Variants in RASGEF1C observed in about 807,000 individuals in gnomAD.
RASGEF1C encodes ras-GEF domain-containing family member 1C.
RASGEF1C carries 27 observed loss-of-function variants against 58.1 expected under a neutral mutation model. The ratio of observed to expected loss-of-function variants is 0.46; its 90% CI spans 0.34 to 0.64. The LOEUF (loss-of-function observed/expected upper bound fraction) is 0.64. Among genes scored for constraint, RASGEF1C ranks in the 30% least tolerant of loss-of-function variants. RASGEF1C has a pLI of 0.01. For synonymous variants in RASGEF1C, 243 were observed against 246.3 expected (o/e 0.99, Z 0.13); for missense variants, 502 against 605.1 (o/e 0.83, Z 1.79).
chr5:180,140,008 C>G (rs937390559), intron 1 of RASGEF1C, among the ~76,000 whole-genome samples: 1 of 152,172 alleles, frequency 6.6e-6, no homozygotes, highest in African/African-American at 2.4e-5. Context: ...GTGGGAGGTG[C>G]CATGCAGGGG....
At position 180,124,756 on chromosome 5, in the gene RASGEF1C, G is replaced by A. The variant is rs542272166; in HGVS notation, c.714+2853C>T. Among the ~76,000 whole-genome samples the A allele has an allele frequency of 4.6e-5, 7 of 151,806 alleles. No individual in the cohort carries two copies. In the South Asian group the frequency reaches 8.3e-4, roughly 18 times the overall value. On this transcript the variant is annotated intron_variant, in intron 6 of 13. Transcript: ENST00000361132. ...GGAGAATCTCTTGAATCCAGGAGGC[G>A]GACGTTGTAGTGAGCGAAGATCGTG...
intron 1 of RASGEF1C, among the ~76,000 whole-genome samples, chr5:180,176,533 G>C (rs1488200503): frequency 6.6e-6 from 1 of 151,948 alleles, no homozygotes; most frequent in Non-Finnish European, 1.5e-5. Context: ...GTAACAGAGG[G>C]CCTTGGCTTT....
At chr5:180,164,751 A>C (rs1284964394) in intron 1 of RASGEF1C, among the ~76,000 whole-genome samples, 2 of 152,242 alleles carry the variant, frequency 1.3e-5, no homozygotes, top group Non-Finnish European at 1.5e-5. Context: ...CTTGAAAAGA[A>C]TTCTGCTGTG....
chr5:180,147,631 C>A (rs1443768787), intron 1 of RASGEF1C, among the ~76,000 whole-genome samples: 4 of 152,096 alleles, frequency 2.6e-5, no homozygotes, highest in African/African-American at 9.7e-5. Flanking sequence ...TTATTGATTT[C>A]TAATTTCATC....
At chr5:180,148,730 TA>T (rs1429965275) in intron 1 of RASGEF1C, among the ~76,000 whole-genome samples, 8 of 151,998 alleles carry the variant, frequency 5.3e-5, no homozygotes, top group South Asian at 2.1e-4. Flanking sequence ...TTAAATCATG[TA>T]AAAAAAAGGT....
chr5:180,144,671 TA>T (rs1318905130), intron 1 of RASGEF1C, among the ~76,000 whole-genome samples: 4 of 152,078 alleles, frequency 2.6e-5, no homozygotes, highest in African/African-American at 9.7e-5. Flanking sequence ...AAAATATACT[TA>T]ACATAAATTT....
intron 1 of RASGEF1C, among the ~76,000 whole-genome samples, chr5:180,194,435 A>G (rs555294854): frequency 6.6e-6 from 1 of 152,306 alleles, no homozygotes; most frequent in East Asian, 1.9e-4. Flanking sequence ...TGCTAATACA[A>G]TTTGGCCGCA....
At chr5:180,124,231 CAAAA>C (rs11292353) in intron 6 of RASGEF1C, among the ~76,000 whole-genome samples, 4 of 134,930 alleles carry the variant, frequency 3.0e-5, no homozygotes, top group East Asian at 2.1e-4. Flanking sequence ...GACTCTGTCT[CAAAA>C]AAAAAAAAAA....
chr5:180,172,325 C>T (rs1225328597), intron 1 of RASGEF1C, among the ~76,000 whole-genome samples: 3 of 151,958 alleles, frequency 2.0e-5, no homozygotes, highest in Non-Finnish European at 4.4e-5. Context: ...GGAAGGCTCC[C>T]ATGCCTCCTC....
At position 180,119,391 on chromosome 5, in the gene RASGEF1C, C is replaced by T. The variant is rs777968916; in HGVS notation, c.862G>A (p.Glu288Lys). ...TTGAAGTTGCCGATGTTGAAGCACT[C>T]GCGGGCCACGTCGATGAAGAACTCA... ...VIEFFIDVAR[E>K]CFNIGNFNSL... is the part of the protein sequence containing the mutation. The change falls in exon 8 of 14, where the codon GAG (glutamate) becomes AAG (lysine). Residue 288 changes from glutamate (E) to lysine (K), a missense_variant. Glu to Lys is a moderately conservative substitution (Grantham distance 56). Coordinates refer to ENST00000361132, the MANE Select transcript of RASGEF1C (RefSeq NM_175062.4). 19 of 1,614,048 alleles carry T rather than the reference C, an allele frequency of 1.2e-5. No individual in the cohort carries two copies. Among genetic ancestry groups the T allele is most frequent in the South Asian group, 4.4e-5 (4 of 91,082 alleles).
intron 1 of RASGEF1C, chr5:180,138,283 A>G (rs1766522025): frequency 4.9e-6 from 2 of 406,934 alleles, no homozygotes; most frequent in Admixed American, 4.3e-5. Flanking sequence ...ACTCTCCTGC[A>G]GGACCCATCT....
chr5:180,126,581 C>T (rs922687134), intron 6 of RASGEF1C, among the ~76,000 whole-genome samples: 1 of 152,136 alleles, frequency 6.6e-6, no homozygotes, highest in Non-Finnish European at 1.5e-5. Context: ...CCCTGCTCTT[C>T]CCTCTACCGT....
Position 180,121,158 on chromosome 5 carries a change from A to C in RASGEF1C, c.715-9T>G. On this transcript the variant is annotated splice_polypyrimidine_tract_variant and intron_variant, in intron 6 of 13. Transcript: ENST00000361132. The stretch of plus-strand genomic sequence containing the variant: ...TTGTCACTGAAGCAGGGCTAGAACA[A>C]ACACAGCACACGGGACCACGTTCTG... The C allele has an allele frequency of 1.9e-6, 3 of 1,604,724 alleles. No individual in the cohort carries two copies. The highest frequency in any genetic ancestry group is 2.6e-6 in the Non-Finnish European group (3 of 1,171,446).
At chr5:180,196,640 G>T (rs866682283) in intron 1 of RASGEF1C, among the ~76,000 whole-genome samples, 3 of 152,232 alleles carry the variant, frequency 2.0e-5, no homozygotes, top group Non-Finnish European at 2.9e-5. Flanking sequence ...TTGGTACGAG[G>T]TTCTTCATAA....
intron 10 of RASGEF1C, among the ~76,000 whole-genome samples, chr5:180,117,307 C>T (rs1288744014): frequency 6.6e-6 from 1 of 152,250 alleles, no homozygotes; most frequent in African/African-American, 2.4e-5. Flanking sequence ...GAAGGCCCGG[C>T]AGGTGGCACA....
At chr5:180,146,610 G>T (rs1021392377) in intron 1 of RASGEF1C, among the ~76,000 whole-genome samples, 1 of 150,736 alleles carries the variant, frequency 6.6e-6, no homozygotes. Flanking sequence ...TTAATCTATT[G>T]TATTACATTG....
intron 4 of RASGEF1C, chr5:180,135,306 G>C (rs1352570729): frequency 6.6e-6 from 1 of 152,296 alleles, no homozygotes; most frequent in African/African-American, 2.4e-5. Flanking sequence ...CTCAGAGCCT[G>C]AGTGATGTCT....
chr5:180,126,222 A>G (rs900331322), intron 6 of RASGEF1C, among the ~76,000 whole-genome samples: 1 of 152,160 alleles, frequency 6.6e-6, no homozygotes, highest in African/African-American at 2.4e-5. Flanking sequence ...CATGGCTTAC[A>G]CGGTGAAACC....
chr5:180,116,884 C>G (rs1766076333), intron 10 of RASGEF1C, among the ~76,000 whole-genome samples: 1 of 152,244 alleles, frequency 6.6e-6, no homozygotes, highest in Non-Finnish European at 1.5e-5. Context: ...CAGAGCCAGA[C>G]AGGCTGGAGT....
Sources: gnomAD v4.1 joint callset for allele counts (sites outside exome capture counted in the v4.1 genomes callset) on GRCh38, gnomAD v4.1.1 for gene constraint, MANE v1.5 for transcripts, NCBI Gene and HGNC (gene_info 2026-07-23, HGNC 2026-07-21) for gene names.